The following SLC38A11 variants were observed in gnomAD, a reference collection of about 807,000 sequenced individuals.
SLC38A11 encodes the protein solute carrier family 38 member 11, also known as putative sodium-coupled neutral amino acid transporter 11.
Under a neutral mutation model 49.4 loss-of-function variants are expected in SLC38A11, and 51 were observed. The ratio of observed to expected loss-of-function variants is 1.03; its 90% CI spans 0.83 to 1.30. The LOEUF is 1.30. Among genes scored for constraint, SLC38A11 ranks in the 50% most tolerant of loss-of-function variants. The pLI is 0.00. For synonymous variants in SLC38A11, 203 were observed against 192.9 expected, an observed-to-expected ratio of 1.05 and a Z score of -0.43; for missense variants, 574 against 556.2, an observed-to-expected ratio of 1.03 and a Z score of -0.32.
intron 7 of SLC38A11, among the ~76,000 whole-genome samples, chr2:164,932,872 C>A (rs1687103950): frequency 1.3e-5 from 2 of 152,048 alleles, no homozygotes; most frequent in Admixed American, 6.6e-5. Context: ...TGCACATGTA[C>A]CCCTGAACTT....
At chr2:164,915,356 CT>C in intron 8 of SLC38A11, 83 bp from the exon 9 acceptor site, 1 of 1,197,828 alleles carries the variant, frequency 8.3e-7, no homozygotes, top group Non-Finnish European at 1.2e-6. Context: ...ATATATACTA[CT>C]TTAGATGCCA....
At chr2:164,946,933 T>G (rs1688151541) in intron 3 of SLC38A11, among the ~76,000 whole-genome samples, 1 of 152,098 alleles carries the variant, frequency 6.6e-6, no homozygotes, top group Non-Finnish European at 1.5e-5. Flanking sequence ...TCTTATCTGC[T>G]CTTTCGGAAC....
intron 7 of SLC38A11, among the ~76,000 whole-genome samples, chr2:164,923,678 T>TC (rs1433658633): frequency 3.9e-5 from 6 of 152,064 alleles, no homozygotes; most frequent in Admixed American, 2.6e-4. Context: ...ACACCTGTAG[T>TC]CCCAGTTACT....
In SLC38A11 at chr2:164,902,762, C is replaced by T. The variant is rs1453837985; in HGVS notation, c.1096-4032G>A. Among the ~76,000 whole-genome samples the T allele has an allele frequency of 2.0e-5, 3 of 152,120 alleles. No individual in the cohort carries two copies. The East Asian group carries it at 5.8e-4, about 29-fold the overall frequency. On this transcript the variant is annotated intron_variant, in intron 11 of 11. Coordinates refer to ENST00000685975, the MANE Select transcript of SLC38A11 (RefSeq NM_001351537.2). ...ACCAGAAATATTATGACTATGATCC[C>T]AATTATGTAACTTTTTGAATTTTTA...
rs560442025 is a variant in SLC38A11, at chr2:164,896,312, G to T, written c.*2125C>A. 1 of 152,224 alleles carries T rather than the reference G, an allele frequency of 6.6e-6. No individual in the cohort carries two copies. The highest frequency in any genetic ancestry group is 2.1e-4 in the South Asian group (1 of 4,820). 9.4% of individuals were successfully genotyped at this position (152,224 alleles called of 1,614,324 possible). A position where few individuals can be genotyped will look rare whatever the true frequency, so the allele number is the denominator to read the frequency against. ...TAAATAAACCAATACATGTTTATTAGGCACTAATGCTGCGCTCAGTTCCTA... is the reference window on the plus strand; with the variant it reads ...TAAATAAACCAATACATGTTTATTATGCACTAATGCTGCGCTCAGTTCCTA... On this transcript the variant is annotated 3_prime_UTR_variant, in exon 12 of 12. Transcript: ENST00000685975.
intron 10 of SLC38A11, 44 bp from the exon 11 acceptor site, chr2:164,908,815 T>G: frequency 6.4e-7 from 1 of 1,570,480 alleles, no homozygotes. Context: ...TTTAAAGGCA[T>G]GCAGGATTTA....
rs548322855 is a variant in SLC38A11 at position 164,919,368 on chromosome 2, G to A, written c.618-3395C>T. Among the ~76,000 whole-genome samples the A allele has an allele frequency of 1.3e-3, 193 of 149,506 alleles. 3 individuals carry two copies. The South Asian group carries it at 0.018, about 14-fold the overall frequency. On this transcript the variant is annotated intron_variant, in intron 7 of 11. Coordinates refer to ENST00000685975, the MANE Select transcript of SLC38A11 (RefSeq NM_001351537.2). ...TAAAATAAATAAAATATTGAAGGAG[G>A]AAAAGAAATTTAAAACTCAAAAAAA...
chr2:164,932,048 A>G (rs1687040739), intron 7 of SLC38A11, among the ~76,000 whole-genome samples: 1 of 152,174 alleles, frequency 6.6e-6, no homozygotes, highest in Non-Finnish European at 1.5e-5. Flanking sequence ...AATATATAGC[A>G]TCTTATAAGG....
intron 3 of SLC38A11, among the ~76,000 whole-genome samples, chr2:164,950,425 G>T (rs1688444141): frequency 1.3e-5 from 2 of 152,136 alleles, no homozygotes; most frequent in Admixed American, 1.3e-4. Flanking sequence ...GATGTGTTAA[G>T]AATTTAGTCA....
chr2:164,920,611 G>A (rs906076912), intron 7 of SLC38A11, among the ~76,000 whole-genome samples: 1 of 152,128 alleles, frequency 6.6e-6, no homozygotes, highest in Non-Finnish European at 1.5e-5. Context: ...AGTAGAAGAT[G>A]TTGCAACCAT....
intron 9 of SLC38A11, among the ~76,000 whole-genome samples, chr2:164,912,959 T>C (rs1017590322): frequency 6.6e-6 from 1 of 152,036 alleles, no homozygotes; most frequent in Non-Finnish European, 1.5e-5. Context: ...TGATTTTCTG[T>C]ATATAACGTG....
At chr2:164,926,191 A>C (rs1400299626) in intron 7 of SLC38A11, among the ~76,000 whole-genome samples, 1 of 152,136 alleles carries the variant, frequency 6.6e-6, no homozygotes, top group Non-Finnish European at 1.5e-5. Context: ...GTCCAATTAA[A>C]ATTGAGACTC....
intron 5 of SLC38A11, among the ~76,000 whole-genome samples, chr2:164,942,039 G>A (rs1008110655): frequency 2.6e-5 from 4 of 152,056 alleles, no homozygotes; most frequent in Non-Finnish European, 4.4e-5. Context: ...AGTATTTTCT[G>A]TTTTCTCCAC....
chr2:164,912,452 A>G (rs1685467125), intron 9 of SLC38A11: 1 of 152,066 alleles, frequency 6.6e-6, no homozygotes. Flanking sequence ...AAGTGACTTC[A>G]TTATTTTTTA....
At chr2:164,942,733 T>C (rs1388703729) in intron 5 of SLC38A11, among the ~76,000 whole-genome samples, 2 of 152,182 alleles carry the variant, frequency 1.3e-5, no homozygotes. Flanking sequence ...GTTTGGGGGC[T>C]GGCACAGAAG....
At position 164,939,450 on chromosome 2, in the gene SLC38A11, C is replaced by T. The variant is rs774819006; in HGVS notation, c.537G>A (p.Lys179=). ...TGCCCATTTAAAATGTAAAAATTAC[C>T]TTTCCAAGCTTTGCTATATTTCGGT... The part of the protein sequence containing the change: ...SLYRNIAKLG[K]VSLISTGLTT... Residue 179 remains lysine (K), a splice_region_variant and synonymous_variant, in exon 6 of 12, where the codon AAG becomes AAA. Transcript: ENST00000685975. 7 of 1,595,452 alleles carry T rather than the reference C, an allele frequency of 4.4e-6. No homozygotes were observed. In the South Asian group the frequency reaches 5.6e-5, roughly 13 times the overall value.
chr2:164,955,293 A>G lies in SLC38A11; in HGVS notation c.-46T>C. The G allele has an allele frequency of 3.3e-6, 5 of 1,526,150 alleles. No individual in the cohort carries two copies. Among genetic ancestry groups the G allele is most frequent in the Non-Finnish European group, 4.4e-6 (5 of 1,124,860 alleles). The allele number at this position is 1,526,150 out of a possible 1,614,324, so 94.5% of individuals were successfully genotyped here. On this transcript the variant is annotated 5_prime_UTR_variant, in exon 1 of 12. Coordinates refer to ENST00000685975, the MANE Select transcript of SLC38A11 (RefSeq NM_001351537.2). ...CAGGTGGAAGATGCTGGGGCTGGGT[A>G]CGGATTCGCACCCGGCCAGCCTCCT... is the stretch of plus-strand genomic sequence containing the variant.
intron 11 of SLC38A11, among the ~76,000 whole-genome samples, chr2:164,899,832 CA>C (rs1286830294): frequency 6.6e-6 from 1 of 151,940 alleles, no homozygotes; most frequent in Non-Finnish European, 1.5e-5. Context: ...ACAAAAGTCC[CA>C]AATATAATAC....
Position 164,912,280 on chromosome 2 carries a change from T to G in SLC38A11, c.851-532A>C, listed in dbSNP as rs1044438401. On this transcript the variant is annotated intron_variant, in intron 9 of 11. Transcript: ENST00000685975. ...CTACATGTGAAGATAAATCCATCACTGATAGTTTTTCTCTTATTATTTGTT... is the reference window on the plus strand; with the variant it reads ...CTACATGTGAAGATAAATCCATCACGGATAGTTTTTCTCTTATTATTTGTT... The G allele has an allele frequency of 2.0e-5, 3 of 152,100 alleles. No homozygotes were observed. In the East Asian group the frequency reaches 5.8e-4, roughly 29 times the overall value. The allele number at this position is 152,100 out of a possible 1,614,324, so 9.4% of individuals were successfully genotyped here. A position where few individuals can be genotyped will look rare whatever the true frequency, so the allele number is the denominator to read the frequency against.
Sources: gnomAD v4.1 joint callset for allele counts (sites outside exome capture counted in the v4.1 genomes callset) on GRCh38, gnomAD v4.1.1 for gene constraint, MANE v1.5 for transcripts, NCBI Gene and HGNC (gene_info 2026-07-23, HGNC 2026-07-21) for gene names.